Variants in AKR1C8 observed in about 807,000 individuals in gnomAD.
AKR1C8 encodes the protein aldo-keto reductase family 1 member C-like protein 1.
At chr10:5,129,169 T>C in the AKR1C8 span, among the ~76,000 whole-genome samples, 59,541 of 151,838 alleles carry the variant, frequency 0.39, 12,465 homozygotes, top group Non-Finnish European at 0.43. Context: ...AATAATCTGC[T>C]CTTGAATGAT....
At chr10:5,123,601 C>G in the AKR1C8 span, 2 of 1,047,544 alleles carry the variant, frequency 1.9e-6, no homozygotes, top group Admixed American at 2.8e-5. Flanking sequence ...AATGCAAATT[C>G]TCACCTTACC....
At chr10:5,151,029 G>T in the AKR1C8 span, among the ~76,000 whole-genome samples, 2 of 152,184 alleles carry the variant, frequency 1.3e-5, no homozygotes, top group African/African-American at 4.8e-5. Context: ...AGTGAGTCAG[G>T]AGTGTTGATT....
chr10:5,130,020 A>G, the AKR1C8 span, among the ~76,000 whole-genome samples: 2 of 151,996 alleles, frequency 1.3e-5, no homozygotes, highest in African/African-American at 4.8e-5. Flanking sequence ...AAAATCCTCA[A>G]GAAAATACTA....
chr10:5,136,742 A>C, the AKR1C8 span, among the ~76,000 whole-genome samples: 1 of 152,322 alleles, frequency 6.6e-6, no homozygotes, highest in South Asian at 2.1e-4. Flanking sequence ...ATATGTTCTG[A>C]ATCAGAAACT....
At chr10:5,176,568 C>T in the AKR1C8 span, among the ~76,000 whole-genome samples, 4 of 150,638 alleles carry the variant, frequency 2.7e-5, no homozygotes, top group Non-Finnish European at 4.5e-5. Flanking sequence ...TTACCTTGGG[C>T]AGTATGGCCA....
At chr10:5,124,350 G>A in the AKR1C8 span, among the ~76,000 whole-genome samples, 1 of 152,104 alleles carries the variant, frequency 6.6e-6, no homozygotes, top group Non-Finnish European at 1.5e-5. Flanking sequence ...AAAAATATTT[G>A]CCTCCACTGA....
At chr10:5,172,883 T>C in the AKR1C8 span, among the ~76,000 whole-genome samples, 3 of 152,110 alleles carry the variant, frequency 2.0e-5, no homozygotes, top group African/African-American at 7.2e-5. Context: ...GAAGATCTAG[T>C]AGTTATAAGA....
chr10:5,157,890 T>C, the AKR1C8 span: 1 of 383,554 alleles, frequency 2.6e-6, no homozygotes, highest in East Asian at 7.4e-5. Flanking sequence ...CTCCAGAGAG[T>C]TGAGAGGAGT....
At chr10:5,122,806 A>G in the AKR1C8 span, among the ~76,000 whole-genome samples, 2 of 152,158 alleles carry the variant, frequency 1.3e-5, no homozygotes, top group African/African-American at 4.8e-5. Context: ...ATATTAGTAT[A>G]ATTATGGTGT....
the AKR1C8 span, chr10:5,121,955 G>A: frequency 4.7e-6 from 1 of 212,932 alleles, no homozygotes; most frequent in African/African-American, 2.4e-5. Flanking sequence ...ATGGTCTGAG[G>A]GCTACAGTGA....
At chr10:5,153,765 C>T in the AKR1C8 span, among the ~76,000 whole-genome samples, 1 of 152,154 alleles carries the variant, frequency 6.6e-6, no homozygotes, top group South Asian at 2.1e-4. Context: ...GATCCAATAA[C>T]CTCCCACCAG....
the AKR1C8 span, among the ~76,000 whole-genome samples, chr10:5,139,490 A>G: frequency 6.6e-6 from 1 of 152,216 alleles, no homozygotes; most frequent in African/African-American, 2.4e-5. Flanking sequence ...CCTCAGAAAT[A>G]TCACCACACC....
chr10:5,171,130 C>A, the AKR1C8 span, among the ~76,000 whole-genome samples: 1 of 152,062 alleles, frequency 6.6e-6, no homozygotes, highest in Non-Finnish European at 1.5e-5. Context: ...CTTTAAAAGT[C>A]CTGAACATTT....
At chr10:5,143,502 G>A in the AKR1C8 span, among the ~76,000 whole-genome samples, 1 of 151,988 alleles carries the variant, frequency 6.6e-6, no homozygotes, top group African/African-American at 2.4e-5. Context: ...TGGCTTTCAT[G>A]GTTCTACAGC....
At chr10:5,181,262 T>C in the AKR1C8 span, among the ~76,000 whole-genome samples, 28 of 152,344 alleles carry the variant, frequency 1.8e-4, no homozygotes, top group South Asian at 5.6e-3. Context: ...TAAAGTTTCA[T>C]TAAAAATTGG....
the AKR1C8 span, among the ~76,000 whole-genome samples, chr10:5,162,503 C>A: frequency 6.6e-6 from 1 of 152,158 alleles, no homozygotes; most frequent in South Asian, 2.1e-4. Context: ...GTTTTCTTGT[C>A]TGGATCACTT....
the AKR1C8 span, among the ~76,000 whole-genome samples, chr10:5,182,775 C>A: frequency 6.6e-6 from 1 of 151,744 alleles, no homozygotes; most frequent in Non-Finnish European, 1.5e-5. Flanking sequence ...CTGGGTGTGG[C>A]AGCATGCACC....
At chr10:5,119,471 AG>A in the AKR1C8 span, among the ~76,000 whole-genome samples, 1 of 152,244 alleles carries the variant, frequency 6.6e-6, no homozygotes. Flanking sequence ...AAAATTATGA[AG>A]AAAAATACAC....
the AKR1C8 span, among the ~76,000 whole-genome samples, chr10:5,120,654 A>AAT: frequency 6.6e-6 from 1 of 152,136 alleles, no homozygotes; most frequent in Non-Finnish European, 1.5e-5. Context: ...TTTCTACTTA[A>AAT]AGCCTTTCAG....
Sources: allele counts gnomAD v4.1 joint callset (sites outside exome capture counted in the v4.1 genomes callset), GRCh38; gene constraint gnomAD v4.1.1; transcripts MANE v1.5; gene names NCBI Gene and HGNC (gene_info 2026-07-23, HGNC 2026-07-21).